The following CDH2 variants were observed in gnomAD, a reference collection of about 807,000 sequenced individuals.
The protein encoded by CDH2 is cadherin 2, also known as cadherin-2.
A neutral mutation model predicts 92.0 loss-of-function variants in CDH2; 17 were observed. The observed-to-expected ratio is 0.18, with a 90% CI of 0.13 to 0.28. CDH2 has a LOEUF of 0.28. Ranked by LOEUF, CDH2 falls within the 10% of genes least tolerant of loss-of-function variation. CDH2 has a pLI of 1.00. For missense variants in CDH2, 862 were observed against 1,133.1 expected (o/e 0.76, Z 3.44); for synonymous variants, 419 against 415.9 (o/e 1.01, Z -0.09).
intron 2 of CDH2, among the ~76,000 whole-genome samples, chr18:28,039,151 C>A (rs1206221494): frequency 2.0e-5 from 3 of 152,110 alleles, no homozygotes; most frequent in Non-Finnish European, 4.4e-5. Flanking sequence ...CATGCAAAGT[C>A]CCTTCATTTC....
At chr18:28,012,071 G>T in intron 3 of CDH2, 79 bp from the exon 4 acceptor site, 2 of 1,154,770 alleles carry the variant, frequency 1.7e-6, no homozygotes, top group Non-Finnish European at 2.5e-6. Context: ...TTGAATACCT[G>T]AAAGCATAGG....
At chr18:28,166,592 A>G (rs1568024610) in intron 1 of CDH2, among the ~76,000 whole-genome samples, 1 of 152,196 alleles carries the variant, frequency 6.6e-6, no homozygotes, top group Non-Finnish European at 1.5e-5. Flanking sequence ...TATGTACACA[A>G]TTACTTTTAT....
At position 27,952,007 on chromosome 18, in the gene CDH2, C is replaced by A; in HGVS notation, c.*146G>T. On this transcript the variant is annotated 3_prime_UTR_variant, in exon 16 of 16. Transcript: ENST00000269141. The stretch of plus-strand genomic sequence containing the variant: ...ATGGATCACTGATATTCCCTCTGAG[C>A]CCAAATTGGTTTGCAGCCTATGCCA... 3.0e-6 allele frequency: 2 copies of A among 675,036 alleles called. No homozygotes were observed. The highest frequency in any genetic ancestry group is 5.2e-6 in the Non-Finnish European group (2 of 383,362). The allele number at this position is 675,036 out of a possible 1,614,324, so 41.8% of individuals were successfully genotyped here.
intron 2 of CDH2, among the ~76,000 whole-genome samples, chr18:28,022,404 C>T (rs1202621707): frequency 2.0e-5 from 3 of 151,998 alleles, no homozygotes; most frequent in Non-Finnish European, 4.4e-5. Flanking sequence ...AAATTTCCAA[C>T]TGAAATATTT....
At chr18:28,027,372 T>G (rs533513605) in intron 2 of CDH2, among the ~76,000 whole-genome samples, 1 of 152,194 alleles carries the variant, frequency 6.6e-6, no homozygotes, top group African/African-American at 2.4e-5. Flanking sequence ...AAAAAGTTTT[T>G]ATTATAATGT....
chr18:28,047,650 C>T lies in CDH2; in HGVS notation c.173-33741G>A, dbSNP rs185893743. 2.4e-3 allele frequency among the ~76,000 whole-genome samples: 364 copies of T among 151,988 alleles called. 4 individuals carry two copies. The highest frequency in any genetic ancestry group is 7.8e-3 in the African/African-American group (322 of 41,492). On this transcript the variant is annotated intron_variant, in intron 2 of 15. Transcript: ENST00000269141. ...TTGGGAGGCCGAGGTGGGTGGATCA[C>T]GAGGTCAGGAGATCGAGACCATCCT...
intron 1 of CDH2, among the ~76,000 whole-genome samples, chr18:28,168,931 T>C (rs1045078846): frequency 1.3e-5 from 2 of 152,128 alleles, no homozygotes; most frequent in African/African-American, 4.8e-5. Flanking sequence ...CCCGTATGCT[T>C]TGTAGTCAAG....
chr18:28,096,527 T>C (rs1276372315), intron 2 of CDH2, among the ~76,000 whole-genome samples: 1 of 151,986 alleles, frequency 6.6e-6, no homozygotes, highest in Non-Finnish European at 1.5e-5. Flanking sequence ...AAAAGTAGTT[T>C]CATATAATTC....
At chr18:28,027,326 T>A (rs1220150) in intron 2 of CDH2, among the ~76,000 whole-genome samples, 2,852 of 151,604 alleles carry the variant, frequency 0.019, 90 homozygotes, top group African/African-American at 0.066. Flanking sequence ...AAAAAAAAAA[T>A]TTTCAAATTA....
chr18:27,939,700 TA>T (rs1909092628), intron 6 of CDH2, among the ~76,000 whole-genome samples: 1 of 152,200 alleles, frequency 6.6e-6, no homozygotes, highest in Non-Finnish European at 1.5e-5. Flanking sequence ...GTTCTTATAC[TA>T]TGTGGTTTAA....
Position 28,147,696 on chromosome 18 carries a change from T to C in CDH2, c.149A>G (p.His50Arg), listed in dbSNP as rs1026380265. 10 of 1,607,694 alleles carry C rather than the reference T, an allele frequency of 6.2e-6. No individual in the cohort carries two copies. The highest frequency in any genetic ancestry group is 3.3e-5 in the South Asian group (3 of 90,782). Residue 50 changes from histidine (H) to arginine (R), a missense_variant, in exon 2 of 16, where the codon CAT becomes CGT. Physicochemically the swap from His to Arg is conservative, Grantham distance 29 (BLOSUM62 0). This residue lies in a region of CDH2 where 159 missense variants were observed against 177.2 expected (regional missense o/e 0.90). Transcript: ENST00000269141. Reference sequence around the variant, plus strand: ...ACCATTGAGAAGAGGCTGTCCTTCATGCACATCCTTCGATAAGACTGCACT... The same window carrying C: ...ACCATTGAGAAGAGGCTGTCCTTCACGCACATCCTTCGATAAGACTGCACT... ...VYSAVLSKDV[H>R]EGQPLLNVKF...
At chr18:28,136,581 G>A (rs186368885) in intron 2 of CDH2, among the ~76,000 whole-genome samples, 1 of 151,976 alleles carries the variant, frequency 6.6e-6, no homozygotes, top group Admixed American at 6.6e-5. Context: ...ATGAATAAAG[G>A]TTTCTTCAGT....
chr18:27,997,813 C>CT (rs1272480506), intron 7 of CDH2, among the ~76,000 whole-genome samples: 259 of 146,584 alleles, frequency 1.8e-3, no homozygotes, highest in African/African-American at 4.2e-3. Flanking sequence ...TGTTCAAATT[C>CT]TTTTTTTTTT....
intron 5 of CDH2, among the ~76,000 whole-genome samples, chr18:28,006,717 CAAA>C (rs35592550): frequency 1.3e-4 from 10 of 77,614 alleles, no homozygotes; most frequent in Admixed American, 2.7e-4. Flanking sequence ...GACTCTGTCT[CAAA>C]AAAAAAAAAA....
chr18:28,085,419 C>T (rs541498870), intron 2 of CDH2, among the ~76,000 whole-genome samples: 63 of 152,076 alleles, frequency 4.1e-4, no homozygotes, highest in Non-Finnish European at 7.6e-4. Context: ...CCTCTGCACA[C>T]GCGTGATTTT....
chr18:28,175,004 T>C (rs1454581265), intron 1 of CDH2, among the ~76,000 whole-genome samples: 4 of 152,240 alleles, frequency 2.6e-5, no homozygotes, highest in Non-Finnish European at 4.4e-5. Context: ...TAAGTTTGTC[T>C]TGCCTTCCAT....
At chr18:27,957,876 T>G (rs2011291777) in intron 15 of CDH2, among the ~76,000 whole-genome samples, 1 of 152,198 alleles carries the variant, frequency 6.6e-6, no homozygotes, top group South Asian at 2.1e-4. Context: ...TCATTTTACT[T>G]AAAGCAATTT....
In CDH2 at chr18:28,114,971, C is replaced by T. The variant is rs770424815; in HGVS notation, c.172+32702G>A. ...CAGTTTGTCAAAAATTGTTAGGCTC[C>T]TTGTTGTTCTCAACCGTTTTCTTGC... On this transcript the variant is annotated intron_variant, in intron 2 of 15. Transcript: ENST00000269141. Among the ~76,000 whole-genome samples, 7 of 152,246 alleles carry T rather than the reference C, an allele frequency of 4.6e-5. No homozygotes were observed. In the East Asian group the frequency reaches 1.2e-3, roughly 25 times the overall value.
At chr18:28,007,165 A>AATATATATATATAT (rs1555632742) in intron 5 of CDH2, among the ~76,000 whole-genome samples, 4 of 110,480 alleles carry the variant, frequency 3.6e-5, no homozygotes, top group African/African-American at 8.9e-5. Flanking sequence ...ATAAAAAAAA[A>AATATATATATATAT]ATATATATAT....
Sources: allele counts gnomAD v4.1 joint callset (sites outside exome capture counted in the v4.1 genomes callset), GRCh38; gene constraint gnomAD v4.1.1; regional missense constraint gnomAD v4.1.1; transcripts MANE v1.5; gene names NCBI Gene and HGNC (gene_info 2026-07-23, HGNC 2026-07-21).